Variants in SINHCAF observed in about 807,000 individuals in gnomAD.
SINHCAF encodes SIN3-HDAC complex associated factor, also known as SIN3-HDAC complex-associated factor.
Under a neutral mutation model 25.8 loss-of-function variants are expected in SINHCAF, and 3 were observed. The observed-to-expected ratio is 0.12, with a 90% CI of 0.05 to 0.30. SINHCAF has a LOEUF of 0.30. Ranked by LOEUF, SINHCAF falls within the 10% of genes least tolerant of loss-of-function variation. SINHCAF has a pLI of 1.00. For synonymous variants in SINHCAF, 70 were observed against 85.5 expected (o/e 0.82, Z 1.00); for missense variants, 121 against 262.3 (o/e 0.46, Z 3.72).
At chr12:31,287,844 T>A in intron 4 of SINHCAF, 60 bp from the exon 5 acceptor site, 1 of 1,301,834 alleles carries the variant, frequency 7.7e-7, no homozygotes, top group Non-Finnish European at 1.1e-6. Context: ...TAATTGCAAC[T>A]AAACCTCAGC....
intron 1 of SINHCAF, among the ~76,000 whole-genome samples, chr12:31,312,370 G>A (rs570035209): frequency 6.8e-6 from 1 of 147,646 alleles, no homozygotes; most frequent in Non-Finnish European, 1.5e-5. Context: ...GTGTGTGTGT[G>A]TGTGAGTGTG....
intron 1 of SINHCAF, among the ~76,000 whole-genome samples, chr12:31,311,400 G>A (rs1939263041): frequency 6.6e-6 from 1 of 152,198 alleles, no homozygotes; most frequent in South Asian, 2.1e-4. Flanking sequence ...TTTTAATTGT[G>A]AGTTCAAATT....
Position 31,282,570 on chromosome 12 carries a change from C to T in SINHCAF, c.*142G>A. The T allele has an allele frequency of 1.6e-6, 1 of 617,784 alleles. No individual in the cohort carries two copies. Among genetic ancestry groups the T allele is most frequent in the Non-Finnish European group, 2.7e-6 (1 of 377,284 alleles). The allele number at this position is 617,784 out of a possible 1,614,324, so 38.3% of individuals were successfully genotyped here. ...CCGGGAGACGGAAGTTGCAGTGAGC[C>T]AAGATCACGCCACTGCACTCCAGCC... On this transcript the variant is annotated 3_prime_UTR_variant, in exon 6 of 6. Coordinates refer to ENST00000337682, the MANE Select transcript of SINHCAF (RefSeq NM_001135812.2).
chr12:31,282,939 C>T (rs895647172), intron 5 of SINHCAF, 68 bp from the exon 6 acceptor site: 8 of 1,260,526 alleles, frequency 6.3e-6, no homozygotes, highest in Non-Finnish European at 8.8e-6. Flanking sequence ...AAGAAATCTA[C>T]TCACTATTAT....
At chr12:31,309,082 T>C (rs549261120) in intron 1 of SINHCAF, among the ~76,000 whole-genome samples, 2 of 145,680 alleles carry the variant, frequency 1.4e-5, no homozygotes, top group African/African-American at 2.6e-5. Flanking sequence ...GAGCTGAGAT[T>C]GTGCCACTGT....
intron 4 of SINHCAF, among the ~76,000 whole-genome samples, chr12:31,292,808 C>T (rs549369568): frequency 6.6e-6 from 1 of 152,128 alleles, no homozygotes; most frequent in South Asian, 2.1e-4. Flanking sequence ...CTCACTTTAC[C>T]GTCACTAAAC....
intron 3 of SINHCAF, 109 bp from the exon 4 acceptor site, chr12:31,294,040 G>A: frequency 1.3e-6 from 1 of 752,652 alleles, no homozygotes. Flanking sequence ...CTGAAAAGAG[G>A]ATGAAGCTCC....
rs1267264182 is a variant in SINHCAF at position 31,291,719 on chromosome 12, C to T, written c.355+2086G>A. 5.3e-5 allele frequency among the ~76,000 whole-genome samples: 8 copies of T among 151,672 alleles called. No individual in the cohort carries two copies. In the South Asian group the frequency reaches 1.2e-3, roughly 24 times the overall value. On this transcript the variant is annotated intron_variant, in intron 4 of 5. Transcript: ENST00000337682. The stretch of plus-strand genomic sequence containing the variant: ...GGGGAGGTTGCAGTGAGCTGAGATC[C>T]GTGCCACTGCACTGCACTCCAGCCT...
intron 5 of SINHCAF, among the ~76,000 whole-genome samples, chr12:31,284,138 A>G (rs556216358): frequency 1.3e-5 from 2 of 152,250 alleles, no homozygotes; most frequent in East Asian, 3.9e-4. Flanking sequence ...ATTTATCTAC[A>G]TGGTTATAAC....
In SINHCAF at chr12:31,325,951, A is replaced by T. The variant is rs1939960077; in HGVS notation, c.-21+73T>A. ...GGGGGAGGTGGGTGGAGGTGAAAAG[A>T]GAAAAAAAAAAACACTGAAATCAAA... On this transcript the variant is annotated intron_variant, in intron 1 of 5. Coordinates refer to ENST00000337682, the MANE Select transcript of SINHCAF (RefSeq NM_001135812.2). The surrounding 1 kb of genome is among the most constrained non-coding windows in gnomAD (Gnocchi z 5.9). The T allele has an allele frequency of 6.6e-6, 1 of 151,698 alleles. No individual in the cohort carries two copies. The highest frequency in any genetic ancestry group is 2.1e-4 in the South Asian group (1 of 4,796). 9.4% of individuals were successfully genotyped at this position (151,698 alleles called of 1,614,324 possible).
At chr12:31,303,745 CTG>C (rs1268063377) in intron 1 of SINHCAF, 2 of 152,210 alleles carry the variant, frequency 1.3e-5, no homozygotes, top group Admixed American at 6.5e-5. Flanking sequence ...AGTGTGATGA[CTG>C]GGCATTCACA....
At chr12:31,282,892 C>T (rs749265090) in intron 5 of SINHCAF, 21 bp from the exon 6 acceptor site, 6 of 1,559,352 alleles carry the variant, frequency 3.8e-6, no homozygotes, top group Non-Finnish European at 5.2e-6. Flanking sequence ...AAATGGAGAA[C>T]AAGATACATT....
At chr12:31,321,238 C>G (rs939107476) in intron 1 of SINHCAF, among the ~76,000 whole-genome samples, 3 of 152,042 alleles carry the variant, frequency 2.0e-5, no homozygotes, top group African/African-American at 4.8e-5. Flanking sequence ...GTGGGAAATA[C>G]AAGACAATCT....
chr12:31,324,832 G>T lies in SINHCAF; in HGVS notation c.-21+1192C>A. On this transcript the variant is annotated intron_variant, in intron 1 of 5. Transcript: ENST00000337682. This position sits in a 1 kb window ranked among gnomAD's most constrained non-coding sequence, Gnocchi z 5.5. ...AGCAGGCCCATTTAATCAAAGTTTT[G>T]CAGTGTCCTTGATGAGAAACGCCCG... 2.6e-6 allele frequency: 1 copy of T among 385,834 alleles called. No individual in the cohort carries two copies. 23.9% of individuals were successfully genotyped at this position (385,834 alleles called of 1,614,324 possible).
chr12:31,287,280 C>T (rs1480680927), intron 5 of SINHCAF, among the ~76,000 whole-genome samples: 1 of 152,030 alleles, frequency 6.6e-6, no homozygotes, highest in East Asian at 1.9e-4. Flanking sequence ...CCTAAAATTG[C>T]TTATGTGTAT....
chr12:31,293,596 A>G (rs745942810), intron 4 of SINHCAF, among the ~76,000 whole-genome samples: 11 of 152,222 alleles, frequency 7.2e-5, no homozygotes, highest in African/African-American at 2.4e-5. Flanking sequence ...GTGGTTAGCT[A>G]GTAGAAATAC....
At chr12:31,321,384 C>G (rs1236683377) in intron 1 of SINHCAF, among the ~76,000 whole-genome samples, 1 of 152,124 alleles carries the variant, frequency 6.6e-6, no homozygotes, top group Non-Finnish European at 1.5e-5. Flanking sequence ...GAACTGCTTT[C>G]TTAAGGTAAG....
At chr12:31,287,926 T>C in intron 4 of SINHCAF, 142 bp from the exon 5 acceptor site, 1 of 524,780 alleles carries the variant, frequency 1.9e-6, no homozygotes, top group Non-Finnish European at 3.2e-6. Flanking sequence ...ACTACTGATA[T>C]TTGAAGATAT....
intron 4 of SINHCAF, among the ~76,000 whole-genome samples, chr12:31,288,539 T>C (rs924763610): frequency 1.3e-5 from 2 of 152,108 alleles, no homozygotes; most frequent in African/African-American, 4.8e-5. Context: ...AACTCTCTCC[T>C]GACATCCAGT....
Sources: gnomAD v4.1 joint callset for allele counts (sites outside exome capture counted in the v4.1 genomes callset) on GRCh38, gnomAD v4.1.1 for gene constraint, Gnocchi (gnomAD v3.1) non-coding constraint, MANE v1.5 for transcripts, NCBI Gene and HGNC (gene_info 2026-07-23, HGNC 2026-07-21) for gene names.